Variants in CELF2 observed in about 807,000 individuals in gnomAD.
The protein encoded by CELF2 is CUG triplet repeat RNA-binding protein 2.
In CELF2, 8 loss-of-function variants were observed where a neutral mutation model predicts 62.6. That is an observed-to-expected ratio of 0.13 (90% confidence interval 0.07 to 0.23). CELF2 has a LOEUF of 0.23. CELF2 is among the 10% of genes least tolerant of loss of function. The probability of loss-of-function intolerance (pLI) is 1.00; values close to 1 mark genes in which losing one functional copy is unlikely to be tolerated. For synonymous variants in CELF2, 258 were observed against 250.0 expected, an observed-to-expected ratio of 1.03 and a Z score of -0.30; for missense variants, 333 against 671.0, an observed-to-expected ratio of 0.50 and a Z score of 5.56.
chr10:10,670,840 C>G, the CELF2 span, among the ~76,000 whole-genome samples: 51 of 150,744 alleles, frequency 3.4e-4, no homozygotes, highest in Non-Finnish European at 6.1e-4. Context: ...AAATCACAGT[C>G]TGTAGCCTTT....
chr10:10,809,871 A>T (rs2055660611), intron 1 of CELF2, among the ~76,000 whole-genome samples: 1 of 152,220 alleles, frequency 6.6e-6, no homozygotes, highest in South Asian at 2.1e-4. Flanking sequence ...AGAAAAACAA[A>T]AATTTATTCT....
intron 1 of CELF2, among the ~76,000 whole-genome samples, chr10:11,125,420 C>T (rs1220134322): frequency 6.8e-6 from 1 of 147,908 alleles, no homozygotes; most frequent in Non-Finnish European, 1.5e-5. Flanking sequence ...TAAAGAGAGG[C>T]AGGTTTAGGG....
chr10:11,220,097 A>G lies in CELF2; in HGVS notation c.354+2590A>G, dbSNP rs945775398. Among the ~76,000 whole-genome samples, 1 of 152,254 alleles carries G rather than the reference A, an allele frequency of 6.6e-6. No homozygotes were observed. Among genetic ancestry groups the G allele is most frequent in the Non-Finnish European group, 1.5e-5 (1 of 68,044 alleles). ...AAACTAAAAGTGATAAAGAAAAAAT[A>G]CATCACCAGCTGACACTTTAAAGCT... On this transcript the variant is annotated intron_variant, in intron 3 of 12. Coordinates refer to ENST00000633077, the MANE Select transcript of CELF2 (RefSeq NM_001326342.2). The surrounding 1 kb of genome is among the most constrained non-coding windows in gnomAD (Gnocchi z 4.4).
At chr10:10,760,171 T>C in the CELF2 span, among the ~76,000 whole-genome samples, 1 of 152,220 alleles carries the variant, frequency 6.6e-6, no homozygotes, top group Non-Finnish European at 1.5e-5. Flanking sequence ...CCCAAAGTGC[T>C]GGGATTATAG....
At chr10:10,665,527 C>T in the CELF2 span, among the ~76,000 whole-genome samples, 1 of 152,090 alleles carries the variant, frequency 6.6e-6, no homozygotes, top group South Asian at 2.1e-4. Context: ...CTCAGAGACT[C>T]GTTGTCCACC....
intron 1 of CELF2, among the ~76,000 whole-genome samples, chr10:11,049,769 T>C (rs1363132983): frequency 6.6e-6 from 1 of 152,184 alleles, no homozygotes; most frequent in Non-Finnish European, 1.5e-5. Flanking sequence ...GGGTTGTATG[T>C]GCACTCTGGG....
chr10:11,209,056 G>A (rs1220465089), intron 2 of CELF2, among the ~76,000 whole-genome samples: 1 of 152,194 alleles, frequency 6.6e-6, no homozygotes, highest in Non-Finnish European at 1.5e-5. Context: ...TCTTCTTGGA[G>A]GTTCTCCCTT....
the CELF2 span, among the ~76,000 whole-genome samples, chr10:10,718,607 G>A: frequency 7.6e-6 from 1 of 131,906 alleles, no homozygotes. Context: ...CTGAGTGACA[G>A]AGCAAGACTC....
Position 11,269,882 on chromosome 10 carries a change from T to C in CELF2, c.619-784T>C, listed in dbSNP as rs2083243111. On this transcript the variant is annotated intron_variant, in intron 6 of 12. Coordinates refer to ENST00000633077, the MANE Select transcript of CELF2 (RefSeq NM_001326342.2). The surrounding 1 kb of genome is among the most constrained non-coding windows in gnomAD (Gnocchi z 4.4). Reference sequence around the variant, plus strand: ...GGAAATTAAAACTGAAAGAAGCTGCTAGAATGGTGAGATTCATTAGGGAAA... The same window carrying C: ...GGAAATTAAAACTGAAAGAAGCTGCCAGAATGGTGAGATTCATTAGGGAAA... Among the ~76,000 whole-genome samples the C allele has an allele frequency of 6.6e-6, 1 of 152,224 alleles. No individual in the cohort carries two copies. Among genetic ancestry groups the C allele is most frequent in the African/African-American group, 2.4e-5 (1 of 41,456 alleles).
the CELF2 span, among the ~76,000 whole-genome samples, chr10:10,593,144 G>A: frequency 1.3e-5 from 2 of 152,180 alleles, no homozygotes; most frequent in African/African-American, 4.8e-5. Context: ...GCAAGGAGTG[G>A]AGAGACATGA....
chr10:10,777,650 T>C, the CELF2 span, among the ~76,000 whole-genome samples: 1 of 152,228 alleles, frequency 6.6e-6, no homozygotes, highest in Non-Finnish European at 1.5e-5. Flanking sequence ...CCAGTCCATG[T>C]TTCCGGTGCA....
intron 1 of CELF2, among the ~76,000 whole-genome samples, chr10:10,905,859 C>G (rs2063297736): frequency 7.1e-6 from 1 of 141,172 alleles, no homozygotes; most frequent in Non-Finnish European, 1.5e-5. Context: ...GCCTGGGTGA[C>G]AGAGCAAGGC....
the CELF2 span, among the ~76,000 whole-genome samples, chr10:10,739,900 G>T: frequency 1.3e-5 from 2 of 152,122 alleles, no homozygotes; most frequent in African/African-American, 4.8e-5. Flanking sequence ...TTGGAAGTAT[G>T]TCTATTTAGG....
At chr10:11,055,244 C>A (rs928509365) in intron 1 of CELF2, among the ~76,000 whole-genome samples, 1 of 152,168 alleles carries the variant, frequency 6.6e-6, no homozygotes, top group East Asian at 1.9e-4. Flanking sequence ...GACAAATACA[C>A]ATTAACACAA....
At position 11,309,832 on chromosome 10, in the gene CELF2, C is replaced by T. The variant is rs570182647; in HGVS notation, c.977-4307C>T. 5.9e-5 allele frequency among the ~76,000 whole-genome samples: 9 copies of T among 152,290 alleles called. No individual in the cohort carries two copies. The East Asian group carries it at 1.7e-3, about 29-fold the overall frequency. ...AAAATTTATCTTGTTTCTGACAGTGCCTGAGGTTTGAACTTTCCTATACTC... is the reference window on the plus strand; with the variant it reads ...AAAATTTATCTTGTTTCTGACAGTGTCTGAGGTTTGAACTTTCCTATACTC... On this transcript the variant is annotated intron_variant, in intron 9 of 12. Transcript: ENST00000633077. The surrounding 1 kb of genome is among the most constrained non-coding windows in gnomAD (Gnocchi z 5.6).
At chr10:11,077,554 CT>C (rs1369047974) in intron 1 of CELF2, among the ~76,000 whole-genome samples, 1 of 152,148 alleles carries the variant, frequency 6.6e-6, no homozygotes, top group Non-Finnish European at 1.5e-5. Context: ...ATGCTTTTGT[CT>C]TCTGGAAAAT....
chr10:10,779,790 G>T, the CELF2 span, among the ~76,000 whole-genome samples: 1 of 151,748 alleles, frequency 6.6e-6, no homozygotes, highest in African/African-American at 2.4e-5. Context: ...GAGAATCACA[G>T]ATCTAAATTT....
At chr10:10,875,479 C>T (rs1243722378) in intron 1 of CELF2, among the ~76,000 whole-genome samples, 1 of 152,132 alleles carries the variant, frequency 6.6e-6, no homozygotes, top group African/African-American at 2.4e-5. Context: ...AAAATTGATA[C>T]ACAATCTTTG....
At position 11,050,862 on chromosome 10, in the gene CELF2, C is replaced by T. The variant is rs975873687; in HGVS notation, c.74+32699C>T. On this transcript the variant is annotated intron_variant, in intron 1 of 12. Transcript: ENST00000633077. ...CAGATTATGCTTGAGCACAGGCCCT[C>T]TCCTCCCCTACCATTCACTCACTCG... Among the ~76,000 whole-genome samples, 6 of 152,230 alleles carry T rather than the reference C, an allele frequency of 3.9e-5. No individual in the cohort carries two copies. The East Asian group carries it at 9.6e-4, about 24-fold the overall frequency.
Sources: gnomAD v4.1 joint callset for allele counts (sites outside exome capture counted in the v4.1 genomes callset) on GRCh38, gnomAD v4.1.1 for gene constraint, Gnocchi (gnomAD v3.1) non-coding constraint, MANE v1.5 for transcripts, NCBI Gene and HGNC (gene_info 2026-07-23, HGNC 2026-07-21) for gene names.